The following KLRG1 variants were observed in gnomAD, a reference collection of about 807,000 sequenced individuals.
KLRG1 encodes killer cell lectin-like receptor subfamily G member 1.
A neutral mutation model predicts 21.8 loss-of-function variants in KLRG1; 16 were observed. That is an observed-to-expected ratio of 0.73 (90% CI 0.50 to 1.11). The LOEUF is 1.11. KLRG1 is among the 50% of genes most tolerant of loss of function. The pLI, the probability that KLRG1 is intolerant of heterozygous loss-of-function variation, is 0.00. For missense variants in KLRG1, 173 were observed against 218.3 expected (o/e 0.79, Z 1.31); for synonymous variants, 69 against 75.9 (o/e 0.91, Z 0.47).
chr12:9,180,889 G>A, the KLRG1 span: 2,915 of 1,385,768 alleles, frequency 2.1e-3, 53 homozygotes, highest in African/African-American at 0.036. Context: ...GAAAATTTTC[G>A]CAACCTACTC....
At chr12:9,044,071 T>C in the KLRG1 span, among the ~76,000 whole-genome samples, 1 of 152,204 alleles carries the variant, frequency 6.6e-6, no homozygotes, top group Non-Finnish European at 1.5e-5. Context: ...AACTGTGAAA[T>C]ATATGAAATT....
the KLRG1 span, among the ~76,000 whole-genome samples, chr12:9,051,227 C>G: frequency 6.6e-6 from 1 of 152,038 alleles, no homozygotes; most frequent in East Asian, 1.9e-4. Context: ...AGAAAGGAAC[C>G]ACCCTCTCTG....
the KLRG1 span, chr12:9,109,287 TC>T: frequency 1.3e-6 from 2 of 1,521,080 alleles, no homozygotes; most frequent in South Asian, 1.1e-5. Flanking sequence ...TTTTAAATAA[TC>T]CCCCACAAAA....
chr12:9,079,898 C>T, the KLRG1 span: 3 of 1,321,924 alleles, frequency 2.3e-6, no homozygotes, highest in South Asian at 4.0e-5. Context: ...ATTAGTTGAG[C>T]TTAGAAATTG....
the KLRG1 span, chr12:9,111,552 A>C: frequency 4.4e-6 from 2 of 456,396 alleles, no homozygotes; most frequent in Non-Finnish European, 8.8e-6. Flanking sequence ...TTTCCAGTGA[A>C]GTGGATGTGG....
chr12:9,109,234 G>A, the KLRG1 span: 2 of 1,054,612 alleles, frequency 1.9e-6, no homozygotes, highest in Non-Finnish European at 2.8e-6. Flanking sequence ...TGTTGCCACT[G>A]CTCCCGGAGA....
chr12:9,050,791 C>T, the KLRG1 span, among the ~76,000 whole-genome samples: 1 of 152,210 alleles, frequency 6.6e-6, no homozygotes, highest in African/African-American at 2.4e-5. Flanking sequence ...TGGCGCAGGA[C>T]CTGGGCATCT....
At chr12:9,154,356 A>C in the KLRG1 span, among the ~76,000 whole-genome samples, 1 of 152,222 alleles carries the variant, frequency 6.6e-6, no homozygotes, top group Admixed American at 6.5e-5. Context: ...GAATGTGTCC[A>C]ATGACCATAG....
the KLRG1 span, among the ~76,000 whole-genome samples, chr12:9,151,370 G>T: frequency 3.9e-5 from 6 of 152,154 alleles, no homozygotes; most frequent in Non-Finnish European, 5.9e-5. Flanking sequence ...TATTGATTTT[G>T]TACTTTAAAT....
At chr12:9,175,677 A>G in the KLRG1 span, among the ~76,000 whole-genome samples, 29 of 152,354 alleles carry the variant, frequency 1.9e-4, no homozygotes, top group African/African-American at 7.0e-4. Context: ...AAAAGAAAAC[A>G]TACATACAGC....
intron 1 of KLRG1, among the ~76,000 whole-genome samples, chr12:8,974,069 C>T (rs1946615719): frequency 6.6e-6 from 1 of 151,928 alleles, no homozygotes; most frequent in South Asian, 2.1e-4. Context: ...CTAGGATATC[C>T]AGCACTATGT....
At chr12:9,018,621 A>G in the KLRG1 span, among the ~76,000 whole-genome samples, 2 of 151,446 alleles carry the variant, frequency 1.3e-5, no homozygotes, top group Admixed American at 1.3e-4. Context: ...GTGGGAGATC[A>G]TTTGAGCTCA....
chr12:9,194,068 T>C, the KLRG1 span: 1 of 1,610,044 alleles, frequency 6.2e-7, no homozygotes, highest in Non-Finnish European at 8.5e-7. Context: ...TTTGTCTTTC[T>C]ATACTTACCC....
the KLRG1 span, among the ~76,000 whole-genome samples, chr12:9,179,753 A>G: frequency 6.6e-6 from 1 of 152,138 alleles, no homozygotes; most frequent in Non-Finnish European, 1.5e-5. Flanking sequence ...TAATTTACTC[A>G]CTCTTTTAAA....
At chr12:9,103,117 A>C in the KLRG1 span, among the ~76,000 whole-genome samples, 1 of 152,198 alleles carries the variant, frequency 6.6e-6, no homozygotes, top group Admixed American at 6.5e-5. Flanking sequence ...AAATAAAGTA[A>C]GGTAATAATT....
chr12:9,077,375 C>T, the KLRG1 span: 12 of 1,613,462 alleles, frequency 7.4e-6, no homozygotes, highest in South Asian at 2.2e-5. Flanking sequence ...TCCAGAAGGG[C>T]GATGGTGATA....
At chr12:9,183,177 T>C in the KLRG1 span, among the ~76,000 whole-genome samples, 4 of 152,214 alleles carry the variant, frequency 2.6e-5, no homozygotes, top group African/African-American at 9.6e-5. Flanking sequence ...AAGTATAATA[T>C]CAGGATGAAC....
chr12:9,140,391 C>T, the KLRG1 span, among the ~76,000 whole-genome samples: 2 of 152,148 alleles, frequency 1.3e-5, no homozygotes, highest in Non-Finnish European at 2.9e-5. Flanking sequence ...GTGTTTCTTA[C>T]TCGGCCCAAT....
chr12:9,074,003 G>T, the KLRG1 span, among the ~76,000 whole-genome samples: 1 of 150,394 alleles, frequency 6.6e-6, no homozygotes, highest in Non-Finnish European at 1.5e-5. Context: ...CACTAGAATC[G>T]CTTGAACCTG....
Sources: gnomAD v4.1 joint callset for allele counts (sites outside exome capture counted in the v4.1 genomes callset) on GRCh38, gnomAD v4.1.1 for gene constraint, MANE v1.5 for transcripts, NCBI Gene and HGNC (gene_info 2026-07-23, HGNC 2026-07-21) for gene names.